Variants in EPB41 observed in about 807,000 individuals in gnomAD.
EPB41 encodes the protein erythrocyte membrane protein band 4.1, also known as protein 4.1.
A neutral mutation model predicts 108.0 loss-of-function variants in EPB41; 65 were observed. The ratio of observed to expected loss-of-function variants is 0.60; its 90% CI spans 0.49 to 0.74. EPB41 has a LOEUF of 0.74. EPB41 is among the 30% of genes least tolerant of loss of function. The pLI is 0.00. For missense variants in EPB41, 875 were observed against 1,037.0 expected (o/e 0.84, Z 2.15); for synonymous variants, 336 against 358.9 (o/e 0.94, Z 0.72).
chr1:29,022,361 C>A (rs2096656551), intron 7 of EPB41, among the ~76,000 whole-genome samples: 1 of 133,634 alleles, frequency 7.5e-6, no homozygotes. Context: ...AAGAAACTGC[C>A]ATTGATATAA....
intron 11 of EPB41, among the ~76,000 whole-genome samples, chr1:29,046,359 C>G (rs1185102066): frequency 6.6e-6 from 1 of 152,008 alleles, no homozygotes; most frequent in African/African-American, 2.4e-5. Flanking sequence ...GAACTCCTGA[C>G]CTCGTGATCC....
chr1:28,957,792 A>G (rs549057907), intron 1 of EPB41, among the ~76,000 whole-genome samples: 2 of 152,152 alleles, frequency 1.3e-5, no homozygotes, highest in Admixed American at 6.5e-5. Context: ...AATCAATTTC[A>G]GTGAAGTTTA....
chr1:28,983,882 C>T (rs1007540956), intron 1 of EPB41, among the ~76,000 whole-genome samples: 2 of 152,078 alleles, frequency 1.3e-5, no homozygotes, highest in Non-Finnish European at 2.9e-5. Flanking sequence ...AGTGTGACAG[C>T]CTTTTGTATC....
rs866071277 is a variant in EPB41 at position 28,993,405 on chromosome 1, A to G, written c.544A>G (p.Ile182Val). ...AGAAGGACTTGAAGAGTGCTCCAAA[A>G]TAGAAGTAAAAGAAGAAAGCCCTCA... ...EGEGLEECSK[I>V]EVKEESPQSK... The change falls in exon 3 of 21, where the codon ATA becomes GTA. Residue 182 changes from isoleucine (I) to valine (V), a missense_variant. This residue lies in a region of EPB41 where 353 missense variants were observed against 393.2 expected (regional missense o/e 0.90). Coordinates refer to ENST00000343067, the MANE Select transcript of EPB41 (RefSeq NM_001376013.1). 3 of 1,614,008 alleles carry G rather than the reference A, an allele frequency of 1.9e-6. No individual in the cohort carries two copies. The highest frequency in any genetic ancestry group is 1.7e-5 in the Admixed American group (1 of 60,018).
At chr1:29,065,234 G>A in intron 16 of EPB41, 76 bp downstream of exon 16, 2 of 1,458,810 alleles carry the variant, frequency 1.4e-6, no homozygotes, top group Non-Finnish European at 1.8e-6. Flanking sequence ...TTCTGTATCT[G>A]AGAGAAAGCT....
At chr1:28,962,262 C>T (rs777546467) in intron 1 of EPB41, among the ~76,000 whole-genome samples, 6 of 152,082 alleles carry the variant, frequency 3.9e-5, no homozygotes, top group Non-Finnish European at 8.8e-5. Flanking sequence ...GGTTTCACCA[C>T]GTTGGCCAGG....
In EPB41 at chr1:28,921,961, T is replaced by TATAC. The variant is rs770764638; in HGVS notation, c.-8+7194_-8+7195insTACA. ...TTTTATATATATATATATATATATA[T>TATAC]ACACTTTTTTTTTGTTTTTTTTTTT... On this transcript the variant is annotated intron_variant, in intron 1 of 20. Coordinates refer to ENST00000343067, the MANE Select transcript of EPB41 (RefSeq NM_001376013.1). Among the ~76,000 whole-genome samples, 234 of 109,888 alleles carry TATAC rather than the reference T, an allele frequency of 2.1e-3. 3 individuals carry two copies. The highest frequency in any genetic ancestry group is 7.7e-3 in the African/African-American group (219 of 28,490). 72.1% of individuals were successfully genotyped at this position (109,888 alleles called of 152,430 possible).
intron 7 of EPB41, among the ~76,000 whole-genome samples, chr1:29,019,205 C>T (rs761566259): frequency 4.6e-5 from 7 of 152,020 alleles, no homozygotes; most frequent in Non-Finnish European, 1.0e-4. Context: ...AACTTGAACC[C>T]GAGTGTTTGG....
chr1:29,003,262 T>C (rs1276992035), intron 4 of EPB41, among the ~76,000 whole-genome samples: 2 of 152,190 alleles, frequency 1.3e-5, no homozygotes, highest in Non-Finnish European at 2.9e-5. Context: ...ATACAGAAGG[T>C]AATAGAGCTA....
intron 16 of EPB41, among the ~76,000 whole-genome samples, chr1:29,068,555 A>G (rs1649610747): frequency 6.6e-6 from 1 of 152,242 alleles, no homozygotes; most frequent in South Asian, 2.1e-4. Flanking sequence ...AGTGGAATAA[A>G]TAAGCACTGT....
At chr1:28,998,345 CA>C (rs1471826983) in intron 4 of EPB41, among the ~76,000 whole-genome samples, 1 of 152,136 alleles carries the variant, frequency 6.6e-6, no homozygotes, top group East Asian at 1.9e-4. Context: ...AATAGAGTAA[CA>C]GATGAATCTG....
chr1:29,007,707 T>A (rs1480729607), intron 4 of EPB41, among the ~76,000 whole-genome samples: 1 of 152,204 alleles, frequency 6.6e-6, no homozygotes, highest in Admixed American at 6.5e-5. Flanking sequence ...CTTTACATAC[T>A]GTGATACCAG....
chr1:28,895,499 A>T (rs895483544), intron 1 of EPB41, among the ~76,000 whole-genome samples: 4 of 150,760 alleles, frequency 2.7e-5, no homozygotes, highest in East Asian at 2.0e-4. Context: ...TATTATTATT[A>T]TTTTTTTTTG....
intron 1 of EPB41, among the ~76,000 whole-genome samples, chr1:28,941,891 T>C (rs1203074569): frequency 9.2e-6 from 1 of 108,242 alleles, no homozygotes; most frequent in Non-Finnish European, 1.9e-5. Flanking sequence ...TGAAGCTCTG[T>C]CTCAAAAAAA....
At chr1:28,905,616 G>A (rs1201776292) in intron 1 of EPB41, among the ~76,000 whole-genome samples, 2 of 152,084 alleles carry the variant, frequency 1.3e-5, no homozygotes, top group African/African-American at 2.4e-5. Context: ...GGCCATGCCT[G>A]ATCTCTGACT....
At chr1:28,904,834 C>T (rs1434879157) in intron 1 of EPB41, among the ~76,000 whole-genome samples, 1 of 151,858 alleles carries the variant, frequency 6.6e-6, no homozygotes, top group Non-Finnish European at 1.5e-5. Flanking sequence ...GAGATCGAGA[C>T]CATCCTGGCT....
Position 29,058,568 on chromosome 1 carries a change from ACTTTTATTT to A in EPB41, c.1846-17_1846-9del, listed in dbSNP as rs1347632608. On this transcript the variant is annotated splice_polypyrimidine_tract_variant and intron_variant, in intron 12 of 20. Transcript: ENST00000343067. ...CCTACTAACCTAAAATGTTTTTACT[ACTTTTATTT>A]CTTAAATGTAGGTGGAAAAAACCCA... 1 of 1,608,320 alleles carries A rather than the reference ACTTTTATTT, an allele frequency of 6.2e-7. No individual in the cohort carries two copies. Among genetic ancestry groups the A allele is most frequent in the Non-Finnish European group, 8.5e-7 (1 of 1,175,886 alleles).
chr1:29,064,879 G>A (rs1230655562), intron 15 of EPB41, 103 bp from the exon 16 acceptor site: 5 of 1,389,146 alleles, frequency 3.6e-6, no homozygotes, highest in Non-Finnish European at 4.0e-6. Flanking sequence ...TGTCCTGGAT[G>A]TGGTATGTTT....
chr1:28,991,821 C>T (rs2096027606), intron 2 of EPB41, among the ~76,000 whole-genome samples: 1 of 152,004 alleles, frequency 6.6e-6, no homozygotes, highest in Non-Finnish European at 1.5e-5. Flanking sequence ...TGTTTTACAA[C>T]CCTGCAGGCC....
Sources: gnomAD v4.1 joint callset for allele counts (sites outside exome capture counted in the v4.1 genomes callset) on GRCh38, gnomAD v4.1.1 for gene constraint, gnomAD v4.1.1 regional missense constraint, MANE v1.5 for transcripts, NCBI Gene and HGNC (gene_info 2026-07-23, HGNC 2026-07-21) for gene names.